Variants in EIF4G3 observed in about 807,000 individuals in gnomAD.
The protein encoded by EIF4G3 is eIF-4-gamma 3.
EIF4G3 carries 34 observed loss-of-function variants against 186.4 expected under a neutral mutation model. The ratio of observed to expected loss-of-function variants is 0.18; its 90% CI spans 0.14 to 0.24. EIF4G3 has a LOEUF of 0.24. Ranked by LOEUF, EIF4G3 falls within the 10% of genes least tolerant of loss-of-function variation. The pLI is 1.00. For missense variants in EIF4G3, 1,536 were observed against 1,948.5 expected (o/e 0.79, Z 3.99); for synonymous variants, 673 against 679.5 (o/e 0.99, Z 0.15).
chr1:20,957,967 C>T (rs900303697), intron 12 of EIF4G3, among the ~76,000 whole-genome samples: 8 of 152,104 alleles, frequency 5.3e-5, no homozygotes, highest in African/African-American at 1.9e-4. Context: ...TTCTACCAGA[C>T]ATTCAAAGAA....
At position 21,089,124 on chromosome 1, in the gene EIF4G3, C is replaced by G; in HGVS notation, c.-196+14G>C. The G allele has an allele frequency of 4.2e-6, 3 of 716,204 alleles. No individual in the cohort carries two copies. In the South Asian group the frequency reaches 4.5e-5, roughly 11 times the overall value. 44.4% of individuals were successfully genotyped at this position (716,204 alleles called of 1,614,324 possible). On this transcript the variant is annotated intron_variant, in intron 3 of 36. Transcript: ENST00000602326. ...AAAAGCACACACACAATTTGACAAC[C>G]TTCAGACACTCACCGTGCTGTAGAC...
At chr1:21,032,214 T>C (rs1365404911) in intron 4 of EIF4G3, among the ~76,000 whole-genome samples, 1 of 152,200 alleles carries the variant, frequency 6.6e-6, no homozygotes, top group African/African-American at 2.4e-5. Flanking sequence ...GACAAGCCGA[T>C]TGCTTATAAT....
At chr1:20,817,239 T>TAAAA (rs1393707541) in intron 34 of EIF4G3, among the ~76,000 whole-genome samples, 153 bp downstream of exon 34, 14 of 96,800 alleles carry the variant, frequency 1.4e-4, no homozygotes, top group African/African-American at 5.0e-4. Flanking sequence ...GAATGATCAA[T>TAAAA]TAAAAAAAAA....
chr1:21,097,817 A>G (rs2101684130), intron 2 of EIF4G3, among the ~76,000 whole-genome samples: 1 of 152,350 alleles, frequency 6.6e-6, no homozygotes, highest in Admixed American at 6.5e-5. Context: ...TTAATTCAAA[A>G]TGTGTGGATC....
chr1:20,997,160 C>CT (rs2082468798), intron 7 of EIF4G3, among the ~76,000 whole-genome samples: 1 of 151,928 alleles, frequency 6.6e-6, no homozygotes, highest in South Asian at 2.1e-4. Flanking sequence ...AAGTTAGTAA[C>CT]TGAGTTTAAG....
At chr1:20,913,714 CTG>C (rs2093526632) in intron 14 of EIF4G3, among the ~76,000 whole-genome samples, 1 of 150,264 alleles carries the variant, frequency 6.7e-6, no homozygotes, top group Non-Finnish European at 1.5e-5. Flanking sequence ...TGTTTCCTAT[CTG>C]TATTATTTCC....
intron 14 of EIF4G3, chr1:20,941,118 G>T: frequency 1.8e-6 from 2 of 1,088,554 alleles, no homozygotes; most frequent in South Asian, 1.8e-5. Context: ...TAGGAAGACA[G>T]AATTAGGGAC....
chr1:20,941,108 T>C, intron 14 of EIF4G3: 1 of 995,488 alleles, frequency 1.0e-6, no homozygotes, highest in African/African-American at 1.7e-5. Flanking sequence ...TTTAAAATTC[T>C]AGGAAGACAG....
At chr1:21,019,775 T>C (rs2090205228) in intron 4 of EIF4G3, among the ~76,000 whole-genome samples, 1 of 152,030 alleles carries the variant, frequency 6.6e-6, no homozygotes, top group African/African-American at 2.4e-5. Flanking sequence ...TCCCAGCAAC[T>C]AGGGAGGCTG....
intron 18 of EIF4G3, among the ~76,000 whole-genome samples, chr1:20,888,522 T>C (rs1053943501): frequency 3.9e-5 from 6 of 152,152 alleles, no homozygotes; most frequent in African/African-American, 1.4e-4. Context: ...ATGAATTCAC[T>C]GTTTGGAATA....
In EIF4G3 at chr1:20,807,371, G is replaced by T. The variant is rs762356088; in HGVS notation, c.4874C>A (p.Thr1625Lys). ...NGKGVALKSV[T>K]AFFTWLREAE... Reference sequence around the variant, plus strand: ...TTCCCGCAGCCACGTGAAGAATGCCGTGACAGATTTCAGAGCCACGCCCTT... The same window carrying T: ...TTCCCGCAGCCACGTGAAGAATGCCTTGACAGATTTCAGAGCCACGCCCTT... The change falls in exon 37 of 37, where the codon ACG (threonine) becomes AAG (lysine). Residue 1625 changes from threonine to lysine, a missense_variant. Coordinates refer to ENST00000602326, the MANE Select transcript of EIF4G3 (RefSeq NM_001391906.1). The T allele has an allele frequency of 6.2e-7, 1 of 1,610,004 alleles. No individual in the cohort carries two copies. Among genetic ancestry groups the T allele is most frequent in the South Asian group, 1.1e-5 (1 of 90,520 alleles).
rs1006167053 is a variant in EIF4G3 at position 20,807,172 on chromosome 1, T to C, written c.*147A>G. 6 of 616,322 alleles carry C rather than the reference T, an allele frequency of 9.7e-6. No homozygotes were observed. The highest frequency in any genetic ancestry group is 9.2e-5 in the East Asian group (3 of 32,734). The allele number at this position is 616,322 out of a possible 1,614,324, so 38.2% of individuals were successfully genotyped here. A position where few individuals can be genotyped will look rare whatever the true frequency, so the allele number is the denominator to read the frequency against. On this transcript the variant is annotated 3_prime_UTR_variant, in exon 37 of 37. Transcript: ENST00000602326. ...AGTACCTTTTTCCTCCATGATCACCTTTTTTTCTCTTTCCCCTCTCCCACT... is the reference window on the plus strand; with the variant it reads ...AGTACCTTTTTCCTCCATGATCACCCTTTTTTCTCTTTCCCCTCTCCCACT...
chr1:20,908,966 A>G lies in EIF4G3; in HGVS notation c.1664-3995T>C, dbSNP rs1440668196. Among the ~76,000 whole-genome samples, 9 of 152,246 alleles carry G rather than the reference A, an allele frequency of 5.9e-5. No individual in the cohort carries two copies. In the East Asian group the frequency reaches 1.5e-3, roughly 26 times the overall value. Reference sequence around the variant, plus strand: ...AGAGTTCGAGACCAGCCTGGCCAACACATGGTGAAACCGTGCCTCTACTAA... The same window carrying G: ...AGAGTTCGAGACCAGCCTGGCCAACGCATGGTGAAACCGTGCCTCTACTAA... On this transcript the variant is annotated intron_variant, in intron 14 of 36. Coordinates refer to ENST00000602326, the MANE Select transcript of EIF4G3 (RefSeq NM_001391906.1).
rs543342157 is a variant in EIF4G3, at chr1:21,067,844, A to T, written c.-195-16850T>A. Among the ~76,000 whole-genome samples, 4 of 152,246 alleles carry T rather than the reference A, an allele frequency of 2.6e-5. No homozygotes were observed. In the East Asian group the frequency reaches 7.7e-4, roughly 29 times the overall value. On this transcript the variant is annotated intron_variant, in intron 3 of 36. Coordinates refer to ENST00000602326, the MANE Select transcript of EIF4G3 (RefSeq NM_001391906.1). ...TCTCTTAAAACTGCAGTTAAAAAAT[A>T]AAAAAAGAGGCCAGGCACAGTGGCT... is the stretch of plus-strand genomic sequence containing the variant.
At chr1:20,926,631 C>A (rs1165995432) in intron 14 of EIF4G3, among the ~76,000 whole-genome samples, 8 of 149,866 alleles carry the variant, frequency 5.3e-5, no homozygotes, top group Admixed American at 6.7e-5. Flanking sequence ...TATGCCACTG[C>A]ACTCTAGTCT....
chr1:20,865,143 C>G lies in EIF4G3; in HGVS notation c.2742G>C (p.Lys914Asn), dbSNP rs1261555059. The G allele has an allele frequency of 6.2e-7, 1 of 1,614,104 alleles. No individual in the cohort carries two copies. Among genetic ancestry groups the G allele is most frequent in the Non-Finnish European group, 8.5e-7 (1 of 1,179,986 alleles). The part of the protein sequence containing the change: ...DKADDDVFEK[K>N]QKELEAASAP... The stretch of plus-strand genomic sequence containing the variant: ...CACTGGCAGCCTCAAGTTCTTTCTG[C>G]TTCTTCTCAAAGACATCATCATCTG... Residue 914 changes from lysine (K) to asparagine (N), a missense_variant, in exon 21 of 37, where the codon AAG becomes AAC. By Grantham distance (94) the Lys-to-Asn change is moderately conservative. Transcript: ENST00000602326.
At chr1:21,062,456 T>A (rs2094967631) in intron 3 of EIF4G3, among the ~76,000 whole-genome samples, 1 of 152,130 alleles carries the variant, frequency 6.6e-6, no homozygotes, top group Non-Finnish European at 1.5e-5. Context: ...ATCTCAGAAT[T>A]TCAAAATATA....
In EIF4G3 at chr1:21,000,509, A is replaced by G. The variant is rs542790054; in HGVS notation, c.144+690T>C. 1.1e-4 allele frequency among the ~76,000 whole-genome samples: 17 copies of G among 152,158 alleles called. No homozygotes were observed. The South Asian group carries it at 3.5e-3, about 32-fold the overall frequency. On this transcript the variant is annotated intron_variant, in intron 6 of 36. Transcript: ENST00000602326. ...ACCAGATGGGACAGCTGTGAGATGG[A>G]TGAGACTAGACTATGACAACTTGGG...
chr1:20,914,852 A>C (rs2093683720), intron 14 of EIF4G3, among the ~76,000 whole-genome samples: 1 of 152,164 alleles, frequency 6.6e-6, no homozygotes, highest in African/African-American at 2.4e-5. Flanking sequence ...AATATGGTCT[A>C]TCTTGGTAAA....
Sources: allele counts gnomAD v4.1 joint callset (sites outside exome capture counted in the v4.1 genomes callset), GRCh38; gene constraint gnomAD v4.1.1; transcripts MANE v1.5; gene names NCBI Gene and HGNC (gene_info 2026-07-23, HGNC 2026-07-21).